The following ARHGAP25 variants were observed in gnomAD, a reference collection of about 807,000 sequenced individuals.
ARHGAP25 encodes Rho GTPase activating protein 25.
In ARHGAP25, 34 loss-of-function variants were observed where a neutral mutation model predicts 71.0. That is an observed-to-expected ratio of 0.48 (90% CI 0.36 to 0.64). The LOEUF (loss-of-function observed/expected upper bound fraction) is 0.64, where lower values mean the gene tolerates loss of function less well. Among genes scored for constraint, ARHGAP25 ranks in the 30% least tolerant of loss-of-function variants. The pLI, the probability that ARHGAP25 is intolerant of heterozygous loss-of-function variation, is 0.00. For missense variants in ARHGAP25, 706 were observed against 805.1 expected, an observed-to-expected ratio of 0.88 and a Z score of 1.49; for synonymous variants, 282 against 296.5, an observed-to-expected ratio of 0.95 and a Z score of 0.50.
Position 68,813,328 on chromosome 2 carries a change from A to T in ARHGAP25, c.716A>T (p.Tyr239Phe), listed in dbSNP as rs1446815424. ...ACTGTGGCTTCCCTGTTAAAGCTCT[A>T]CCTCCGAGACCTCCCAGAGCCCGTG... ...VHTVASLLKL[Y>F]LRDLPEPVVP... Residue 239 changes from tyrosine (Y) to phenylalanine (F), a missense_variant, in exon 6 of 11, where the codon TAC (tyrosine) becomes TTC (phenylalanine). Transcript: ENST00000409202. The T allele has an allele frequency of 6.2e-7, 1 of 1,613,826 alleles. No homozygotes were observed. Among genetic ancestry groups the T allele is most frequent in the Non-Finnish European group, 8.5e-7 (1 of 1,179,936 alleles).
intron 4 of ARHGAP25, among the ~76,000 whole-genome samples, chr2:68,794,462 A>G (rs1679400272): frequency 6.6e-6 from 1 of 152,142 alleles, no homozygotes; most frequent in South Asian, 2.1e-4. Context: ...TAGTTTGTTG[A>G]GAATTTTTAT....
At chr2:68,802,972 T>TATATATAC (rs1680111834) in intron 4 of ARHGAP25, among the ~76,000 whole-genome samples, 1 of 74,410 alleles carries the variant, frequency 1.3e-5, no homozygotes, top group Non-Finnish European at 3.7e-5. Flanking sequence ...CACACATATA[T>TATATATAC]ACACATATAT....
At chr2:68,808,997 G>C (rs981596722) in intron 5 of ARHGAP25, among the ~76,000 whole-genome samples, 1 of 152,184 alleles carries the variant, frequency 6.6e-6, no homozygotes. Flanking sequence ...CCAGAAATAG[G>C]AAAGGTCATC....
At chr2:68,727,919 T>C (rs1674923187) in intron 2 of ARHGAP25, among the ~76,000 whole-genome samples, 1 of 152,218 alleles carries the variant, frequency 6.6e-6, no homozygotes, top group East Asian at 1.9e-4. Flanking sequence ...GTGACTGCCT[T>C]TTCATGCACA....
intron 2 of ARHGAP25, among the ~76,000 whole-genome samples, chr2:68,713,412 A>G (rs1286975223): frequency 6.6e-6 from 1 of 152,186 alleles, no homozygotes; most frequent in Admixed American, 6.5e-5. Context: ...GGCTGAGACG[A>G]TGGGGTTTTC....
At chr2:68,764,167 TG>T (rs1157116732) in intron 1 of ARHGAP25, among the ~76,000 whole-genome samples, 1 of 152,240 alleles carries the variant, frequency 6.6e-6, no homozygotes, top group Non-Finnish European at 1.5e-5. Flanking sequence ...TGAATGTTTT[TG>T]AGGTTCTTTG....
At chr2:68,791,396 T>C (rs141185289) in intron 4 of ARHGAP25, among the ~76,000 whole-genome samples, 45 of 152,314 alleles carry the variant, frequency 3.0e-4, no homozygotes, top group Middle Eastern at 3.4e-3. Flanking sequence ...CAGCACTATG[T>C]TCAGCTCCCT....
chr2:68,812,695 G>A (rs1040210076), intron 5 of ARHGAP25, among the ~76,000 whole-genome samples: 3 of 152,306 alleles, frequency 2.0e-5, no homozygotes, highest in African/African-American at 7.2e-5. Context: ...TCTGTGGCTC[G>A]ATGGGGCCAG....
intron 8 of ARHGAP25, 107 bp from the exon 9 acceptor site, chr2:68,819,016 C>G: frequency 5.1e-6 from 5 of 981,554 alleles, no homozygotes; most frequent in Non-Finnish European, 7.5e-6. Flanking sequence ...CCTTCTGGGC[C>G]CTATAGTTTT....
At chr2:68,794,733 TTTG>T (rs2104416339) in intron 4 of ARHGAP25, among the ~76,000 whole-genome samples, 1 of 152,288 alleles carries the variant, frequency 6.6e-6, no homozygotes, top group Non-Finnish European at 1.5e-5. Flanking sequence ...AGTTTTCTTT[TTTG>T]TTGTTGTTAT....
intron 4 of ARHGAP25, among the ~76,000 whole-genome samples, chr2:68,796,989 G>A (rs1416312349): frequency 6.6e-6 from 1 of 152,204 alleles, no homozygotes; most frequent in African/African-American, 2.4e-5. Context: ...GCTAGTAGAT[G>A]GTGCTTGCAG....
At chr2:68,809,758 G>C (rs1573603989) in intron 5 of ARHGAP25, among the ~76,000 whole-genome samples, 1 of 152,198 alleles carries the variant, frequency 6.6e-6, no homozygotes, top group East Asian at 1.9e-4. Context: ...AACTCACCCA[G>C]ATCCTCTGCA....
intron 6 of ARHGAP25, among the ~76,000 whole-genome samples, chr2:68,813,773 T>C (rs1423950739): frequency 6.6e-6 from 1 of 152,138 alleles, no homozygotes; most frequent in East Asian, 1.9e-4. Flanking sequence ...GTCACATAGC[T>C]CAAGCTCTAC....
intron 2 of ARHGAP25, among the ~76,000 whole-genome samples, chr2:68,726,086 C>T (rs1457349980): frequency 6.6e-6 from 1 of 152,164 alleles, no homozygotes; most frequent in Non-Finnish European, 1.5e-5. Context: ...CCATCTAACA[C>T]GTTACATTTA....
intron 1 of ARHGAP25, among the ~76,000 whole-genome samples, chr2:68,742,535 T>C (rs1675577380): frequency 1.3e-5 from 2 of 152,170 alleles, no homozygotes; most frequent in Non-Finnish European, 2.9e-5. Context: ...GCAGTTATTG[T>C]GAGGGTAAGA....
intron 3 of ARHGAP25, among the ~76,000 whole-genome samples, chr2:68,782,728 G>C (rs1678429944): frequency 6.6e-6 from 1 of 152,188 alleles, no homozygotes; most frequent in Admixed American, 6.5e-5. Context: ...TTGCCATTTT[G>C]ATGGGTCAAA....
At chr2:68,768,378 C>A (rs1677262514) in intron 1 of ARHGAP25, among the ~76,000 whole-genome samples, 1 of 152,164 alleles carries the variant, frequency 6.6e-6, no homozygotes, top group Non-Finnish European at 1.5e-5. Context: ...GGTAAATTGG[C>A]CAATATTTCT....
At chr2:68,791,654 C>T (rs1448256216) in intron 4 of ARHGAP25, among the ~76,000 whole-genome samples, 2 of 151,954 alleles carry the variant, frequency 1.3e-5, no homozygotes, top group South Asian at 2.1e-4. Context: ...ACCTGTAGCC[C>T]GTCTGTACAC....
At chr2:68,754,787 A>C (rs972226694) in intron 1 of ARHGAP25, among the ~76,000 whole-genome samples, 1 of 152,220 alleles carries the variant, frequency 6.6e-6, no homozygotes, top group African/African-American at 2.4e-5. Context: ...TTATTCTAAT[A>C]TATTTGTAGT....
Sources: gnomAD v4.1 joint callset for allele counts (sites outside exome capture counted in the v4.1 genomes callset) on GRCh38, gnomAD v4.1.1 for gene constraint, MANE v1.5 for transcripts, NCBI Gene and HGNC (gene_info 2026-07-23, HGNC 2026-07-21) for gene names.